C1QTNF7: variants seen among roughly 807,000 people sequenced by gnomAD.
C1QTNF7 encodes the protein complement C1q tumor necrosis factor-related protein 7.
In C1QTNF7, 15 loss-of-function variants were observed where a neutral mutation model predicts 19.6. That is an observed-to-expected ratio of 0.76 (90% CI 0.51 to 1.18). The LOEUF (loss-of-function observed/expected upper bound fraction) is 1.18. C1QTNF7 is among the 50% of genes most tolerant of loss of function. C1QTNF7 has a pLI of 0.00. For missense variants in C1QTNF7, 324 were observed against 359.7 expected, an observed-to-expected ratio of 0.90 and a Z score of 0.80; for synonymous variants, 142 against 137.5, an observed-to-expected ratio of 1.03 and a Z score of -0.23.
chr4:15,356,248 C>T (rs1363446858), intron 1 of C1QTNF7, among the ~76,000 whole-genome samples: 1 of 152,148 alleles, frequency 6.6e-6, no homozygotes, highest in African/African-American at 2.4e-5. Context: ...TATCCCTCCC[C>T]TAGCCCCCAA....
chr4:15,383,342 A>G lies in C1QTNF7; in HGVS notation c.13+43135A>G, dbSNP rs370638685. 6.2e-4 allele frequency among the ~76,000 whole-genome samples: 95 copies of G among 152,276 alleles called. 1 individual carries two copies. The highest frequency in any genetic ancestry group is 2.1e-3 in the African/African-American group (87 of 41,556). On this transcript the variant is annotated intron_variant, in intron 1 of 2. Transcript: ENST00000295297. ...AAGCCACTTCCCTATGTTGATTCAC[A>G]TGGCCCCCAAAATGGTTACGCTAAT...
intron 1 of C1QTNF7, chr4:15,374,605 G>A (rs1046231424): frequency 2.3e-5 from 23 of 985,286 alleles, no homozygotes; most frequent in Admixed American, 1.8e-4. Context: ...CAAAGCCTGG[G>A]AGAACGCTTT....
At chr4:15,376,210 G>A (rs894563120) in intron 1 of C1QTNF7, among the ~76,000 whole-genome samples, 10 of 152,350 alleles carry the variant, frequency 6.6e-5, no homozygotes, top group African/African-American at 2.4e-4. Context: ...GTGTTCACGG[G>A]CAATAGCTAA....
At chr4:15,421,891 G>C (rs1332128176) in intron 1 of C1QTNF7, among the ~76,000 whole-genome samples, 2 of 152,124 alleles carry the variant, frequency 1.3e-5, no homozygotes, top group Non-Finnish European at 2.9e-5. Flanking sequence ...CAACATGAAT[G>C]ACTCTCAAAA....
intron 1 of C1QTNF7, among the ~76,000 whole-genome samples, chr4:15,357,511 G>C (rs551553196): frequency 5.3e-5 from 8 of 152,264 alleles, no homozygotes; most frequent in Non-Finnish European, 1.0e-4. Context: ...TTTGAAGTCA[G>C]GTAGCATAAT....
chr4:15,385,703 T>G lies in C1QTNF7; in HGVS notation c.13+45496T>G, dbSNP rs959918732. 4.6e-5 allele frequency among the ~76,000 whole-genome samples: 7 copies of G among 152,312 alleles called. No homozygotes were observed. In the South Asian group the frequency reaches 6.2e-4, roughly 14 times the overall value. On this transcript the variant is annotated intron_variant, in intron 1 of 2. Transcript: ENST00000295297. Reference sequence around the variant, plus strand: ...CGATCTGAAAGTCCACTCCGATTGCTATTTGGAAAATGCACTGTCAGCAGG... The same window carrying G: ...CGATCTGAAAGTCCACTCCGATTGCGATTTGGAAAATGCACTGTCAGCAGG...
intron 1 of C1QTNF7, among the ~76,000 whole-genome samples, chr4:15,394,151 C>T (rs1718690801): frequency 6.6e-6 from 1 of 152,180 alleles, no homozygotes; most frequent in South Asian, 2.1e-4. Flanking sequence ...CATGCAAAGG[C>T]CCTGAAGTGG....
intron 1 of C1QTNF7, among the ~76,000 whole-genome samples, chr4:15,422,967 A>G (rs2192356): frequency 0.53 from 80,602 of 152,028 alleles, 24,474 homozygotes; most frequent in Non-Finnish European, 0.69. Context: ...GATATTTTGG[A>G]CAAGGTAAAG....
At chr4:15,441,642 A>G (rs1712759054) in intron 2 of C1QTNF7, among the ~76,000 whole-genome samples, 1 of 152,252 alleles carries the variant, frequency 6.6e-6, no homozygotes, top group African/African-American at 2.4e-5. Context: ...CAGGATTTAA[A>G]TTATTTCTTA....
intron 1 of C1QTNF7, among the ~76,000 whole-genome samples, chr4:15,412,128 C>T (rs936575316): frequency 2.6e-5 from 4 of 152,034 alleles, no homozygotes; most frequent in African/African-American, 9.7e-5. Flanking sequence ...ATCTAATGCC[C>T]GATGATCTGT....
intron 1 of C1QTNF7, among the ~76,000 whole-genome samples, chr4:15,360,708 T>G (rs1717313928): frequency 6.6e-6 from 1 of 152,204 alleles, no homozygotes; most frequent in South Asian, 2.1e-4. Context: ...AACATTGTCG[T>G]CTTTGACCTG....
At chr4:15,434,293 C>T (rs948237006) in intron 1 of C1QTNF7, among the ~76,000 whole-genome samples, 2 of 152,106 alleles carry the variant, frequency 1.3e-5, no homozygotes, top group African/African-American at 4.8e-5. Flanking sequence ...ATCACATGTG[C>T]ACACTGTGTT....
chr4:15,353,589 A>T (rs1400323251), intron 1 of C1QTNF7, among the ~76,000 whole-genome samples: 1 of 152,164 alleles, frequency 6.6e-6, no homozygotes, highest in African/African-American at 2.4e-5. Context: ...ATTGTTTATA[A>T]AAGTCATCAG....
At chr4:15,419,495 A>C (rs1426546858) in intron 1 of C1QTNF7, among the ~76,000 whole-genome samples, 2 of 152,218 alleles carry the variant, frequency 1.3e-5, no homozygotes, top group Non-Finnish European at 2.9e-5. Flanking sequence ...GTGTATAGGT[A>C]CTATTACAAA....
intron 1 of C1QTNF7, among the ~76,000 whole-genome samples, chr4:15,369,165 A>G (rs777371051): frequency 6.6e-6 from 1 of 152,152 alleles, no homozygotes; most frequent in Admixed American, 6.6e-5. Flanking sequence ...AGAGGTAAGG[A>G]TGAGAAGGGA....
intron 1 of C1QTNF7, among the ~76,000 whole-genome samples, chr4:15,344,847 G>A (rs765683040): frequency 1.1e-4 from 16 of 152,106 alleles, no homozygotes; most frequent in African/African-American, 1.7e-4. Flanking sequence ...CATCCTCCTG[G>A]CTATCTGCCT....
At chr4:15,434,914 C>A (rs913329467) in intron 1 of C1QTNF7, among the ~76,000 whole-genome samples, 4 of 152,138 alleles carry the variant, frequency 2.6e-5, no homozygotes, top group Admixed American at 6.6e-5. Flanking sequence ...AAGTTTGAGA[C>A]CTCCCCTCAG....
chr4:15,415,265 C>T (rs1005131065), intron 1 of C1QTNF7, among the ~76,000 whole-genome samples: 3 of 151,370 alleles, frequency 2.0e-5, no homozygotes, highest in Non-Finnish European at 2.9e-5. Context: ...CATTGAGGAA[C>T]CAAAAAGATA....
chr4:15,405,706 A>T (rs1449012040), intron 1 of C1QTNF7, among the ~76,000 whole-genome samples: 1 of 152,188 alleles, frequency 6.6e-6, no homozygotes, highest in East Asian at 1.9e-4. Context: ...GTGATCTCTT[A>T]AAAATGGAAA....
Sources: allele counts gnomAD v4.1 joint callset (sites outside exome capture counted in the v4.1 genomes callset), GRCh38; gene constraint gnomAD v4.1.1; transcripts MANE v1.5; gene names NCBI Gene and HGNC (gene_info 2026-07-23, HGNC 2026-07-21).